The following FIG4 variants were observed in gnomAD, a reference collection of about 807,000 sequenced individuals.
FIG4 encodes the protein FIG4 phosphoinositide 5-phosphatase.
Under a neutral mutation model 118.6 loss-of-function variants are expected in FIG4, and 112 were observed. The observed-to-expected ratio is 0.94, with a 90% CI of 0.81 to 1.11. The LOEUF (loss-of-function observed/expected upper bound fraction) is 1.11. Ranked by LOEUF, FIG4 falls within the 50% of genes least tolerant of loss-of-function variation. The pLI is 0.00. For synonymous variants in FIG4, 369 were observed against 381.2 expected, an observed-to-expected ratio of 0.97 and a Z score of 0.37; for missense variants, 969 against 1,111.7, an observed-to-expected ratio of 0.87 and a Z score of 1.83.
intron 1 of FIG4, among the ~76,000 whole-genome samples, chr6:109,714,281 G>A (rs1027474986): frequency 6.6e-6 from 1 of 152,122 alleles, no homozygotes; most frequent in African/African-American, 2.4e-5. Context: ...GTCCCATGCA[G>A]GGTTCCCAGC....
At chr6:109,746,503 T>G (rs1776502389) in intron 10 of FIG4, among the ~76,000 whole-genome samples, 1 of 152,002 alleles carries the variant, frequency 6.6e-6, no homozygotes, top group Non-Finnish European at 1.5e-5. Context: ...ACAAAGGCCC[T>G]AGGACAGGAG....
At chr6:109,707,267 G>A (rs1181345407) in intron 1 of FIG4, among the ~76,000 whole-genome samples, 2 of 138,444 alleles carry the variant, frequency 1.4e-5, no homozygotes, top group Admixed American at 7.1e-5. Context: ...ATAAACTGAT[G>A]TGTGTGTGTG....
chr6:109,803,735 A>G (rs569922603), intron 22 of FIG4, among the ~76,000 whole-genome samples: 1 of 151,734 alleles, frequency 6.6e-6, no homozygotes, highest in South Asian at 2.1e-4. Context: ...CATCATTTAC[A>G]TTAGGTATAT....
At chr6:109,785,169 AATAG>A (rs1199611998) in intron 17 of FIG4, 141 bp downstream of exon 17, 9 of 671,158 alleles carry the variant, frequency 1.3e-5, no homozygotes, top group Non-Finnish European at 2.4e-5. Flanking sequence ...TTGCTGCTTT[AATAG>A]ATAGGATATT....
chr6:109,779,071 T>C (rs535783589), intron 16 of FIG4, among the ~76,000 whole-genome samples: 252 of 152,246 alleles, frequency 1.7e-3, no homozygotes, highest in Non-Finnish European at 2.6e-3. Flanking sequence ...ATTTTTACAT[T>C]AAATTTATTA....
At chr6:109,691,763 G>A (rs891277571) in intron 1 of FIG4, among the ~76,000 whole-genome samples, 3 of 152,162 alleles carry the variant, frequency 2.0e-5, no homozygotes, top group African/African-American at 7.2e-5. Context: ...AGGTGCTTGT[G>A]GTACCTCAGG....
intron 22 of FIG4, among the ~76,000 whole-genome samples, chr6:109,802,150 T>C (rs1778443634): frequency 6.6e-6 from 1 of 152,236 alleles, no homozygotes; most frequent in African/African-American, 2.4e-5. Context: ...TCTTTCGTCC[T>C]GACATTTACT....
chr6:109,785,965 C>A, intron 17 of FIG4: 1 of 325,824 alleles, frequency 3.1e-6, no homozygotes, highest in South Asian at 3.0e-5. Flanking sequence ...AGGGAAAAAG[C>A]TGTACAATTT....
At chr6:109,820,237 C>T (rs1174520844) in intron 22 of FIG4, among the ~76,000 whole-genome samples, 4 of 152,178 alleles carry the variant, frequency 2.6e-5, no homozygotes, top group Non-Finnish European at 5.9e-5. Context: ...GACCACAGCT[C>T]ACATGAGAAT....
At chr6:109,731,379 C>G (rs1266067278) in intron 4 of FIG4, among the ~76,000 whole-genome samples, 1 of 152,134 alleles carries the variant, frequency 6.6e-6, no homozygotes, top group African/African-American at 2.4e-5. Context: ...TATGGGAAAA[C>G]ATGCATGGGA....
In FIG4 at chr6:109,786,598, C is replaced by T. The variant is rs576726998; in HGVS notation, c.2096+149C>T. 6.3e-6 allele frequency: 5 copies of T among 788,352 alleles called. No homozygotes were observed. The African/African-American group carries it at 8.5e-5, about 13-fold the overall frequency. 48.8% of individuals were successfully genotyped at this position (788,352 alleles called of 1,614,324 possible). ...TTTGAATACCTCCTGTGATGGGGAGCCCACTACTTCAAGAGGCAGCCCCTT... is the reference window on the plus strand; with the variant it reads ...TTTGAATACCTCCTGTGATGGGGAGTCCACTACTTCAAGAGGCAGCCCCTT... On this transcript the variant is annotated intron_variant, in intron 18 of 22. Transcript: ENST00000230124.
rs147064812 is a variant in FIG4 at position 109,708,281 on chromosome 6, C to T, written c.67-6797C>T. On this transcript the variant is annotated intron_variant, in intron 1 of 22. Transcript: ENST00000230124. ...TTGCCAAGGATAATGGCCTCCAGCT[C>T]CATCCATGTTCCTGCAAAGGACTTT... Among the ~76,000 whole-genome samples the T allele has an allele frequency of 6.2e-3, 946 of 152,286 alleles. 4 individuals are homozygous for T. Among genetic ancestry groups the T allele is most frequent in the Non-Finnish European group, 0.01 (712 of 68,032 alleles).
rs753883652 is a variant in FIG4, at chr6:109,777,080, G to A, written c.1889+20G>A. 3.1e-6 allele frequency: 5 copies of A among 1,606,438 alleles called. No individual in the cohort carries two copies. The highest frequency in any genetic ancestry group is 2.7e-5 in the African/African-American group (2 of 74,722). On this transcript the variant is annotated intron_variant, in intron 16 of 22. Transcript: ENST00000230124. ...AAGAAGGTATTTTTCTTCCTAGTCT[G>A]TAATATAAACTCCCATTTGGTGTTA...
At chr6:109,729,985 A>T (rs532022149) in intron 4 of FIG4, among the ~76,000 whole-genome samples, 1 of 152,198 alleles carries the variant, frequency 6.6e-6, no homozygotes, top group African/African-American at 2.4e-5. Flanking sequence ...AATTGGAGAG[A>T]TGTCCCTTTT....
chr6:109,822,604 A>T (rs926523122), intron 22 of FIG4, among the ~76,000 whole-genome samples: 3 of 151,850 alleles, frequency 2.0e-5, no homozygotes, highest in Non-Finnish European at 4.4e-5. Context: ...CTACCTAGGA[A>T]ATAATAGGGG....
chr6:109,700,450 A>C (rs553864601), intron 1 of FIG4, among the ~76,000 whole-genome samples: 1 of 152,240 alleles, frequency 6.6e-6, no homozygotes, highest in African/African-American at 2.4e-5. Context: ...TTCAACTTGC[A>C]AATAATTAAA....
At chr6:109,731,163 T>G (rs1775988239) in intron 4 of FIG4, among the ~76,000 whole-genome samples, 1 of 152,214 alleles carries the variant, frequency 6.6e-6, no homozygotes, top group Non-Finnish European at 1.5e-5. Context: ...TTGGGAATAA[T>G]CAGAATATCT....
chr6:109,700,266 A>T (rs1235307540), intron 1 of FIG4, among the ~76,000 whole-genome samples: 28 of 152,232 alleles, frequency 1.8e-4, no homozygotes. Flanking sequence ...AAAAGTAGTC[A>T]AAAGATTAAT....
At chr6:109,694,100 A>G (rs1180845640) in intron 1 of FIG4, among the ~76,000 whole-genome samples, 1 of 152,180 alleles carries the variant, frequency 6.6e-6, no homozygotes. Context: ...CTAAGAGATC[A>G]TGCTGTTAAT....
Sources: allele counts gnomAD v4.1 joint callset (sites outside exome capture counted in the v4.1 genomes callset), GRCh38; gene constraint gnomAD v4.1.1; transcripts MANE v1.5; gene names NCBI Gene and HGNC (gene_info 2026-07-23, HGNC 2026-07-21).